GPAT4: variants seen among roughly 807,000 people sequenced by gnomAD.
The protein encoded by GPAT4 is glycerol-3-phosphate acyltransferase 4.
In GPAT4, 17 loss-of-function variants were observed where a neutral mutation model predicts 58.0. The ratio of observed to expected loss-of-function variants is 0.29; its 90% CI spans 0.20 to 0.44. The LOEUF is 0.44. Ranked by LOEUF, GPAT4 falls within the 20% of genes least tolerant of loss-of-function variation. The pLI, the probability that GPAT4 is intolerant of heterozygous loss-of-function variation, is 1.00. For missense variants in GPAT4, 377 were observed against 574.5 expected, an observed-to-expected ratio of 0.66 and a Z score of 3.51; for synonymous variants, 204 against 210.1, an observed-to-expected ratio of 0.97 and a Z score of 0.25.
At chr8:41,588,987 G>C (rs1465948109) in intron 1 of GPAT4, among the ~76,000 whole-genome samples, 1 of 152,206 alleles carries the variant, frequency 6.6e-6, no homozygotes, top group Non-Finnish European at 1.5e-5. Flanking sequence ...TCCTCTGAAT[G>C]AATGGCTTCC....
Position 41,623,809 on chromosome 8 carries a change from A to G in GPAT4, c.*2808A>G, listed in dbSNP as rs1216298180. 3.3e-5 allele frequency: 5 copies of G among 151,184 alleles called. No individual in the cohort carries two copies. The highest frequency in any genetic ancestry group is 1.2e-4 in the African/African-American group (5 of 41,140). 9.4% of individuals were successfully genotyped at this position (151,184 alleles called of 1,614,324 possible). On this transcript the variant is annotated 3_prime_UTR_variant, in exon 13 of 13. Coordinates refer to ENST00000396987, the MANE Select transcript of GPAT4 (RefSeq NM_178819.4). Reference sequence around the variant, plus strand: ...CTCAGACAGCCTTTTTTACTCAAACATGAGACTTTCCACCCACCAGTTAGG... The same window carrying G: ...CTCAGACAGCCTTTTTTACTCAAACGTGAGACTTTCCACCCACCAGTTAGG...
At chr8:41,605,509 C>T (rs1449423276) in intron 2 of GPAT4, among the ~76,000 whole-genome samples, 3 of 152,184 alleles carry the variant, frequency 2.0e-5, no homozygotes, top group Non-Finnish European at 4.4e-5. Context: ...GGTTACAATA[C>T]TGAACTTCAG....
chr8:41,621,746 C>G lies in GPAT4; in HGVS notation c.*745C>G, dbSNP rs1249616727. On this transcript the variant is annotated 3_prime_UTR_variant, in exon 13 of 13. Transcript: ENST00000396987. ...GGGGGAATGGTGGTGATTCCTACCTCACAGGGCTGTTGTGGGGATTAAAGT... is the reference window on the plus strand; with the variant it reads ...GGGGGAATGGTGGTGATTCCTACCTGACAGGGCTGTTGTGGGGATTAAAGT... 3 of 152,340 alleles carry G rather than the reference C, an allele frequency of 2.0e-5. No individual in the cohort carries two copies. Among genetic ancestry groups the G allele is most frequent in the Non-Finnish European group, 4.4e-5 (3 of 68,166 alleles). The allele number at this position is 152,340 out of a possible 1,614,324, so 9.4% of individuals were successfully genotyped here. A position where few individuals can be genotyped will look rare whatever the true frequency, so the allele number is the denominator to read the frequency against.
intron 2 of GPAT4, among the ~76,000 whole-genome samples, chr8:41,608,675 A>C (rs1157726199): frequency 6.6e-6 from 1 of 152,196 alleles, no homozygotes; most frequent in Non-Finnish European, 1.5e-5. Flanking sequence ...ACATGATTTC[A>C]TTTTATCCTA....
intron 1 of GPAT4, among the ~76,000 whole-genome samples, chr8:41,581,904 A>G (rs1585644449): frequency 1.4e-5 from 2 of 145,206 alleles, no homozygotes; most frequent in East Asian, 2.1e-4. Context: ...AAGTGCTGGG[A>G]TTACAGGCGT....
At chr8:41,597,750 GT>G (rs1305625626) in intron 1 of GPAT4, among the ~76,000 whole-genome samples, 1 of 152,242 alleles carries the variant, frequency 6.6e-6, no homozygotes, top group Admixed American at 6.5e-5. Flanking sequence ...GGAGCTCTAT[GT>G]GTATTGATGG....
chr8:41,585,076 G>C (rs1008718353), intron 1 of GPAT4, among the ~76,000 whole-genome samples: 1 of 152,172 alleles, frequency 6.6e-6, no homozygotes, highest in African/African-American at 2.4e-5. Flanking sequence ...GAAACATGCA[G>C]TTTCCCCACT....
intron 2 of GPAT4, among the ~76,000 whole-genome samples, chr8:41,606,363 G>T (rs1803271665): frequency 6.6e-6 from 1 of 152,164 alleles, no homozygotes. Flanking sequence ...GCTGGTGCCT[G>T]CTGAAGATTT....
intron 1 of GPAT4, 186 bp downstream of exon 1, chr8:41,578,464 G>GC (rs1241367501): frequency 4.6e-5 from 7 of 151,738 alleles, no homozygotes; most frequent in South Asian, 2.1e-4. Context: ...TGGAGCGGGT[G>GC]CCCCCCGTCC....
intron 1 of GPAT4, among the ~76,000 whole-genome samples, chr8:41,582,672 A>AGTGTGTGT (rs1195801606): frequency 2.8e-5 from 3 of 106,580 alleles, no homozygotes; most frequent in Non-Finnish European, 6.1e-5. Flanking sequence ...GGAGAGAGAG[A>AGTGTGTGT]GAGTGTGTGT....
intron 1 of GPAT4, among the ~76,000 whole-genome samples, chr8:41,578,731 A>C (rs190600679): frequency 3.2e-4 from 48 of 152,258 alleles, no homozygotes; most frequent in African/African-American, 1.1e-3. Context: ...CTCCTTCTCC[A>C]AATGCATGCT....
At chr8:41,587,633 G>A (rs911240143) in intron 1 of GPAT4, among the ~76,000 whole-genome samples, 3 of 152,052 alleles carry the variant, frequency 2.0e-5, no homozygotes, top group African/African-American at 4.8e-5. Context: ...TCTGCCCTGC[G>A]CACTGCACTA....
intron 1 of GPAT4, among the ~76,000 whole-genome samples, chr8:41,585,553 T>C (rs185528240): frequency 1.9e-4 from 29 of 152,348 alleles, no homozygotes; most frequent in Non-Finnish European, 3.1e-4. Context: ...AGCTTCTATT[T>C]ATAGAGGATT....
chr8:41,600,703 CACA>C (rs1803064627), intron 2 of GPAT4, among the ~76,000 whole-genome samples: 1 of 151,950 alleles, frequency 6.6e-6, no homozygotes, highest in South Asian at 2.1e-4. Flanking sequence ...CTGTCCAATT[CACA>C]ACATTTTCAT....
intron 2 of GPAT4, among the ~76,000 whole-genome samples, chr8:41,604,302 T>C (rs1803194540): frequency 6.6e-6 from 1 of 152,210 alleles, no homozygotes; most frequent in Non-Finnish European, 1.5e-5. Flanking sequence ...TAGTTCTCCC[T>C]ATATAAAGGA....
At chr8:41,615,122 G>A in intron 10 of GPAT4, 74 bp downstream of exon 10, 3 of 1,364,142 alleles carry the variant, frequency 2.2e-6, no homozygotes, top group Non-Finnish European at 3.1e-6. Flanking sequence ...AGGAGGTAGA[G>A]GAAGGAGCTG....
intron 10 of GPAT4, among the ~76,000 whole-genome samples, chr8:41,617,662 A>T (rs1803634104): frequency 1.3e-5 from 2 of 152,198 alleles, no homozygotes; most frequent in African/African-American, 4.8e-5. Context: ...CCCATCCCAC[A>T]TGCAGGACCC....
chr8:41,607,612 C>T (rs1803317958), intron 2 of GPAT4, among the ~76,000 whole-genome samples: 1 of 151,218 alleles, frequency 6.6e-6, no homozygotes, highest in Non-Finnish European at 1.5e-5. Flanking sequence ...AATCTCCGCT[C>T]ACTGCAGCCT....
chr8:41,589,365 T>C (rs1240979705), intron 1 of GPAT4, among the ~76,000 whole-genome samples: 1 of 2,230 alleles, frequency 4.5e-4, no homozygotes, highest in Admixed American at 5.5e-3. Context: ...TGTGGCGGGA[T>C]GGGATGGGGT....
Sources: gnomAD v4.1 joint callset for allele counts (sites outside exome capture counted in the v4.1 genomes callset) on GRCh38, gnomAD v4.1.1 for gene constraint, MANE v1.5 for transcripts, NCBI Gene and HGNC (gene_info 2026-07-23, HGNC 2026-07-21) for gene names.